TSC2: variants seen among roughly 807,000 people sequenced by gnomAD.
TSC2 encodes the protein tuberin.
Under a neutral mutation model 202.2 loss-of-function variants are expected in TSC2, and 29 were observed. The ratio of observed to expected loss-of-function variants is 0.14; its 90% CI spans 0.11 to 0.20. The LOEUF is 0.20. Among genes scored for constraint, TSC2 ranks in the 10% least tolerant of loss-of-function variants. TSC2 has a pLI of 1.00. For synonymous variants in TSC2, 1,349 were observed against 1,044.0 expected (o/e 1.29, Z -5.63); for missense variants, 2,429 against 2,420.0 (o/e 1.00, Z -0.08).
chr16:2,067,306 C>A (rs1414785652), intron 16 of TSC2, among the ~76,000 whole-genome samples: 1 of 152,026 alleles, frequency 6.6e-6, no homozygotes, highest in Non-Finnish European at 1.5e-5. Context: ...GGACCATAGG[C>A]ACACGTCACC....
At chr16:2,078,672 G>A (rs2089727709) in intron 26 of TSC2, 1 of 373,658 alleles carries the variant, frequency 2.7e-6, no homozygotes, top group South Asian at 2.3e-5. Flanking sequence ...CAGCCTGCGG[G>A]CAGAATGCAA....
intron 12 of TSC2, 43 bp downstream of exon 12, chr16:2,062,051 G>T (rs2086706254): frequency 6.2e-7 from 1 of 1,613,088 alleles, no homozygotes; most frequent in Non-Finnish European, 8.5e-7. Flanking sequence ...TTTGGCTGGT[G>T]GGGAGGGGCC....
Position 2,081,209 on chromosome 16 carries a change from A to AT in TSC2, c.3611-386_3611-385insT, listed in dbSNP as rs761268213. ...TCAGCCTGTTCCCAGGGGCAGAGGG[A>AT]GCCCCCGCAGAGGCCCAGAGCCCAG... On this transcript the variant is annotated intron_variant, in intron 30 of 41. Coordinates refer to ENST00000219476, the MANE Select transcript of TSC2 (RefSeq NM_000548.5). The AT allele has an allele frequency of 5.2e-4, 184 of 351,000 alleles. 1 individual carries two copies. The East Asian group carries it at 0.01, about 19-fold the overall frequency. The allele number at this position is 351,000 out of a possible 1,614,324, so 21.7% of individuals were successfully genotyped here.
rs374139943 is a variant in TSC2 at position 2,081,812 on chromosome 16, C to T, written c.3814+14C>T. 1.7e-5 allele frequency: 27 copies of T among 1,611,302 alleles called. No homozygotes were observed. The highest frequency in any genetic ancestry group is 3.3e-5 in the Admixed American group (2 of 60,000). The stretch of plus-strand genomic sequence containing the variant: ...GCTCCAACACAGGTGAGTGGCATGG[C>T]GGGCCTTGGCACGGGCTCTGCTCCC... On this transcript the variant is annotated intron_variant, in intron 31 of 41. Transcript: ENST00000219476.
rs555158076 is a variant in TSC2, at chr16:2,064,537, G to A, written c.1599+110G>A. ...TTCGAGTGACCGGATGGCTGTGTCCGTAGGTGAGGCTCCCCTCCCTGCAGG... is the reference window on the plus strand; with the variant it reads ...TTCGAGTGACCGGATGGCTGTGTCCATAGGTGAGGCTCCCCTCCCTGCAGG... On this transcript the variant is annotated intron_variant, in intron 15 of 41. Transcript: ENST00000219476. 601 of 1,535,682 alleles carry A rather than the reference G, an allele frequency of 3.9e-4. 9 individuals are homozygous for A. In the South Asian group the frequency reaches 6.2e-3, roughly 16 times the overall value.
At chr16:2,088,353 G>A (rs1692616134) in intron 41 of TSC2, 28 bp downstream of exon 41, 1 of 1,612,432 alleles carries the variant, frequency 6.2e-7, no homozygotes, top group Non-Finnish European at 8.5e-7. Flanking sequence ...CCCTCAGCGG[G>A]GTGTGCTGGC....
chr16:2,065,669 G>GCGCGCATGGCTAGCGTCCAC, intron 16 of TSC2, 34 bp downstream of exon 16: 1 of 1,575,012 alleles, frequency 6.3e-7, no homozygotes, highest in Non-Finnish European at 8.7e-7. Flanking sequence ...TGCTCCCGGG[G>GCGCGCATGGCTAGCGTCCAC]CGCGCATGGC....
In TSC2 at chr16:2,057,121, T is replaced by A; in HGVS notation, c.791T>A (p.Leu264His). ...EPCWKLMRNL[L>H]GTHLGHSAIY... The stretch of plus-strand genomic sequence containing the variant: ...GTCTCGCAGCTGATGCGGAACCTCC[T>A]TGGCACCCACCTGGGCCACAGCGCC... Residue 264 changes from leucine (L) to histidine (H), a missense_variant, in exon 9 of 42, where the codon CTT (leucine) becomes CAT (histidine). Physicochemically the swap from Leu to His is moderately conservative, Grantham distance 99. Coordinates refer to ENST00000219476, the MANE Select transcript of TSC2 (RefSeq NM_000548.5). The A allele has an allele frequency of 6.4e-7, 1 of 1,551,584 alleles. No homozygotes were observed.
rs147523833 is a variant in TSC2, at chr16:2,077,637, C to G, written c.2877C>G (p.Asn959Lys). The stretch of plus-strand genomic sequence containing the variant: ...GACCCCCCAAACAAGGCTTGAATAA[C>G]TCTCCACCCGTGAAAGAATTCAAGG... ...IARPPKQGLNNSPPVKEFKES... is the reference protein window; with the variant it reads ...IARPPKQGLNKSPPVKEFKES... Residue 959 changes from asparagine (N) to lysine (K), a missense_variant, in exon 26 of 42, where the codon AAC (asparagine) becomes AAG (lysine). Physicochemically the swap from Asn to Lys is moderately conservative, Grantham distance 94. Transcript: ENST00000219476. 1 of 1,613,022 alleles carries G rather than the reference C, an allele frequency of 6.2e-7. No homozygotes were observed. Among genetic ancestry groups the G allele is most frequent in the African/African-American group, 1.3e-5 (1 of 74,942 alleles).
In TSC2 at chr16:2,064,416, A is replaced by G. The variant is rs786203470; in HGVS notation, c.1588A>G (p.Ile530Val). ...ACACCACTTCAACAGCCTGCTGGAC[A>G]TCATCGAGAAGGTGAGAGCCGTTGT... Reference protein sequence around the residue: ...HTHHFNSLLDIIEKVMARSLS... With the variant: ...HTHHFNSLLDVIEKVMARSLS... Residue 530 changes from isoleucine (I) to valine (V), a missense_variant, in exon 15 of 42, where the codon ATC becomes GTC. Transcript: ENST00000219476. The G allele has an allele frequency of 5.0e-6, 8 of 1,613,464 alleles. No homozygotes were observed. Among genetic ancestry groups the G allele is most frequent in the Non-Finnish European group, 6.8e-6 (8 of 1,180,030 alleles).
chr16:2,089,282 T>C lies in TSC2; in HGVS notation c.*672T>C, dbSNP rs920022480. On this transcript the variant is annotated 3_prime_UTR_variant, in exon 42 of 42. Coordinates refer to ENST00000219476, the MANE Select transcript of TSC2 (RefSeq NM_000548.5). ...CACATTTTAACACCATATAAATTACTGACACGAGACACACAGTGAGACGGT... is the reference window on the plus strand; with the variant it reads ...CACATTTTAACACCATATAAATTACCGACACGAGACACACAGTGAGACGGT... 1 of 209,496 alleles carries C rather than the reference T, an allele frequency of 4.8e-6. No homozygotes were observed. Among genetic ancestry groups the C allele is most frequent in the African/African-American group, 2.3e-5 (1 of 43,212 alleles). 13.0% of individuals were successfully genotyped at this position (209,496 alleles called of 1,614,324 possible). A position where few individuals can be genotyped will look rare whatever the true frequency, so the allele number is the denominator to read the frequency against.
At chr16:2,084,110 G>A (rs913011785) in intron 33 of TSC2, 118 bp from the exon 34 acceptor site, 13 of 1,523,470 alleles carry the variant, frequency 8.5e-6, no homozygotes, top group African/African-American at 1.4e-5. Flanking sequence ...CCTGGTGCTC[G>A]GGCTGGTCTG....
At chr16:2,084,062 G>C (rs1487755055) in intron 33 of TSC2, among the ~76,000 whole-genome samples, 166 bp from the exon 34 acceptor site, 1 of 152,228 alleles carries the variant, frequency 6.6e-6, no homozygotes, top group African/African-American at 2.4e-5. Flanking sequence ...GGGCACAGCT[G>C]GTGGCAGTGC....
rs1596236038 is a variant in TSC2 at position 2,048,895 on chromosome 16, A to G, written c.138+142A>G. On this transcript the variant is annotated intron_variant, in intron 2 of 41. Transcript: ENST00000219476. ...CTGTCTCCAGTACTTGGAGGCCGAC[A>G]TGTCCTTCCTCAGGAGACTTCGAAA... 2.2e-5 allele frequency: 27 copies of G among 1,217,648 alleles called. No homozygotes were observed. The East Asian group carries it at 5.8e-4, about 26-fold the overall frequency. 75.4% of individuals were successfully genotyped at this position (1,217,648 alleles called of 1,614,324 possible). A position where few individuals can be genotyped will look rare whatever the true frequency, so the allele number is the denominator to read the frequency against.
At chr16:2,084,855 G>A (rs2090567422) in intron 34 of TSC2, 96 bp from the exon 35 acceptor site, 6 of 1,602,190 alleles carry the variant, frequency 3.7e-6, no homozygotes, top group Non-Finnish European at 5.1e-6. Flanking sequence ...GAGGGCGGTG[G>A]AGTGGGAGAT....
chr16:2,067,517 TCC>T (rs2087560460), intron 16 of TSC2, among the ~76,000 whole-genome samples: 2 of 150,188 alleles, frequency 1.3e-5, no homozygotes, highest in African/African-American at 5.0e-5. Context: ...ATGCCCGTAA[TCC>T]CAGCACTTTG....
chr16:2,083,940 C>A, intron 33 of TSC2, 124 bp downstream of exon 33: 1 of 1,445,516 alleles, frequency 6.9e-7, no homozygotes, highest in South Asian at 1.4e-5. Context: ...TGTTCTTCCA[C>A]ATCCCTCGTG....
chr16:2,060,957 G>A (rs939648565), intron 11 of TSC2, 144 bp downstream of exon 11: 54 of 1,063,314 alleles, frequency 5.1e-5, no homozygotes, highest in East Asian at 1.6e-4. Context: ...TCGCAGTGGC[G>A]CTCATCCACC....
chr16:2,074,342 T>A lies in TSC2; in HGVS notation c.2498T>A (p.Ile833Asn). ...LPVLVVKLTH[I>N]SATASMAVPL... ...GTTCTGGTGGTGAAGCTCACGCACA[T>A]CTCAGCCACAGCCAGCATGGCCGTC... The change falls in exon 22 of 42, where the codon ATC becomes AAC. Residue 833 changes from isoleucine to asparagine, a missense_variant. Transcript: ENST00000219476. 6.2e-7 allele frequency: 1 copy of A among 1,612,696 alleles called. No homozygotes were observed. The highest frequency in any genetic ancestry group is 8.5e-7 in the Non-Finnish European group (1 of 1,180,030).
Sources: allele counts gnomAD v4.1 joint callset (sites outside exome capture counted in the v4.1 genomes callset), GRCh38; gene constraint gnomAD v4.1.1; transcripts MANE v1.5; gene names NCBI Gene and HGNC (gene_info 2026-07-23, HGNC 2026-07-21).